The following DNAH11 variants were observed in gnomAD, a reference collection of about 807,000 sequenced individuals.
The protein encoded by DNAH11 is axonemal beta dynein heavy chain 11.
A neutral mutation model predicts 526.0 loss-of-function variants in DNAH11; 442 were observed. The observed-to-expected ratio is 0.84, with a 90% CI of 0.78 to 0.91. DNAH11 has a LOEUF of 0.91. DNAH11 is among the 40% of genes least tolerant of loss of function. The pLI, the probability that DNAH11 is intolerant of heterozygous loss-of-function variation, is 0.00. For missense variants in DNAH11, 6,989 were observed against 5,448.7 expected, an observed-to-expected ratio of 1.28 and a Z score of -8.90; for synonymous variants, 2,461 against 1,935.9, an observed-to-expected ratio of 1.27 and a Z score of -7.12.
intron 51 of DNAH11, 96 bp from the exon 52 acceptor site, chr7:21,748,484 A>G: frequency 7.1e-6 from 9 of 1,264,612 alleles, no homozygotes; most frequent in Non-Finnish European, 8.1e-6. Flanking sequence ...GCAAGTCTCC[A>G]TCTCAAAAGC....
chr7:21,626,148 A>G (rs1002728485), intron 25 of DNAH11, among the ~76,000 whole-genome samples: 4 of 152,182 alleles, frequency 2.6e-5, no homozygotes, highest in African/African-American at 9.7e-5. Context: ...TGATCTATCT[A>G]ACACTGGGTC....
At position 21,655,890 on chromosome 7, in the gene DNAH11, A is replaced by T; in HGVS notation, c.5003A>T (p.Asn1668Ile). ...DSIADLQFED[N>I]QDVSAHRAVG... ...ATTGCAGATCTGCAGTTTGAAGACA[A>T]TCAGGATGTTTCTGCACACAGGGCA... Residue 1668 changes from asparagine to isoleucine, a missense_variant, in exon 29 of 82, where the codon AAT (asparagine) becomes ATT (isoleucine). Physicochemically the swap from Asn to Ile is moderately radical, Grantham distance 149. Transcript: ENST00000409508. 1 of 1,613,422 alleles carries T rather than the reference A, an allele frequency of 6.2e-7. No individual in the cohort carries two copies. The highest frequency in any genetic ancestry group is 8.5e-7 in the Non-Finnish European group (1 of 1,179,588).
In DNAH11 at chr7:21,702,714, A is replaced by G. The variant is rs777405662; in HGVS notation, c.6185A>G (p.His2062Arg). The G allele has an allele frequency of 1.9e-5, 31 of 1,613,362 alleles. No individual in the cohort carries two copies. The highest frequency in any genetic ancestry group is 3.3e-5 in the South Asian group (3 of 91,002). ...ATAAACCTGTTTTGATTTTAGGATC[A>G]TTACGACTGGGGACTTCGTGCTATT... Reference protein sequence around the residue: ...LCKELLSKQDHYDWGLRAIKS... With the variant: ...LCKELLSKQDRYDWGLRAIKS... Residue 2062 changes from histidine (H) to arginine (R), a missense_variant, in exon 37 of 82, where the codon CAT (histidine) becomes CGT (arginine). Transcript: ENST00000409508.
chr7:21,624,324 T>C (rs1028311961), intron 25 of DNAH11, among the ~76,000 whole-genome samples: 2 of 152,198 alleles, frequency 1.3e-5, no homozygotes, highest in African/African-American at 4.8e-5. Flanking sequence ...TTTGATACTA[T>C]TGTGAATGGG....
chr7:21,646,100 A>G (rs567428897), intron 28 of DNAH11, among the ~76,000 whole-genome samples: 2 of 152,328 alleles, frequency 1.3e-5, no homozygotes, highest in South Asian at 2.1e-4. Flanking sequence ...ACAAAGGCAG[A>G]TTATCTAATA....
intron 42 of DNAH11, among the ~76,000 whole-genome samples, chr7:21,716,903 C>T (rs1166939945): frequency 6.6e-6 from 1 of 152,094 alleles, no homozygotes; most frequent in Non-Finnish European, 1.5e-5. Flanking sequence ...TGAAAGGAGC[C>T]GTTTGTCAGA....
intron 55 of DNAH11, 28 bp downstream of exon 55, chr7:21,765,617 C>CAA: frequency 1.6e-6 from 1 of 637,336 alleles, no homozygotes; most frequent in South Asian, 3.3e-5. Context: ...GCGTCACACA[C>CAA]ACACACACAC....
At chr7:21,592,939 G>T (rs1276235825) in intron 14 of DNAH11, among the ~76,000 whole-genome samples, 1 of 152,172 alleles carries the variant, frequency 6.6e-6, no homozygotes, top group Non-Finnish European at 1.5e-5. Context: ...TGTCCTAAGG[G>T]ACATTTTGAG....
At chr7:21,644,956 A>G (rs963371205) in intron 28 of DNAH11, among the ~76,000 whole-genome samples, 14 of 152,262 alleles carry the variant, frequency 9.2e-5, no homozygotes, top group African/African-American at 2.7e-4. Flanking sequence ...GGTTAACCAC[A>G]AACTGTACAA....
At chr7:21,623,866 A>T (rs901325030) in intron 25 of DNAH11, among the ~76,000 whole-genome samples, 2 of 151,890 alleles carry the variant, frequency 1.3e-5, no homozygotes, top group Non-Finnish European at 2.9e-5. Flanking sequence ...CCTAATGCTA[A>T]ATGACGAGTT....
In DNAH11 at chr7:21,868,891, C is replaced by G. The variant is rs369636720; in HGVS notation, c.11867C>G (p.Ser3956Cys). Residue 3956 changes from serine to cysteine, a missense_variant, in exon 73 of 82, where the codon TCT becomes TGT. By Grantham distance (112) the Ser-to-Cys change is moderately radical. Transcript: ENST00000409508. Reference sequence around the variant, plus strand: ...AAAAGACTTGGCTTTACAATTGACTCTGGAAAATTCCACAATGTGTCTTTA... The same window carrying G: ...AAAAGACTTGGCTTTACAATTGACTGTGGAAAATTCCACAATGTGTCTTTA... ...LGKRLGFTID[S>C]GKFHNVSLGQ... 53 of 1,613,888 alleles carry G rather than the reference C, an allele frequency of 3.3e-5. No homozygotes were observed. The highest frequency in any genetic ancestry group is 4.2e-5 in the Non-Finnish European group (50 of 1,179,886).
chr7:21,852,405 TAAAAAAAAA>T, intron 66 of DNAH11, 53 bp from the exon 67 acceptor site: 1 of 1,242,634 alleles, frequency 8.0e-7, no homozygotes, highest in Non-Finnish European at 1.1e-6. Context: ...AGACTTCCTC[TAAAAAAAAA>T]AAAAAAAAAG....
intron 49 of DNAH11, among the ~76,000 whole-genome samples, chr7:21,743,364 C>T (rs1786001131): frequency 1.3e-5 from 2 of 152,150 alleles, no homozygotes; most frequent in South Asian, 4.1e-4. Context: ...CCTTGCTTAC[C>T]TGGTAAAAGG....
intron 48 of DNAH11, among the ~76,000 whole-genome samples, chr7:21,741,478 A>G (rs1220493868): frequency 6.6e-6 from 1 of 152,240 alleles, no homozygotes; most frequent in Non-Finnish European, 1.5e-5. Context: ...TACCCCCAGC[A>G]TACATTCAGT....
intron 6 of DNAH11, among the ~76,000 whole-genome samples, chr7:21,567,237 T>A (rs1216929061): frequency 6.6e-6 from 1 of 152,196 alleles, no homozygotes; most frequent in Non-Finnish European, 1.5e-5. Flanking sequence ...GTAACATGTT[T>A]TTAAATTTGT....
At chr7:21,714,514 T>G (rs1021210767) in intron 42 of DNAH11, among the ~76,000 whole-genome samples, 4 of 152,218 alleles carry the variant, frequency 2.6e-5, no homozygotes, top group African/African-American at 9.6e-5. Context: ...AATGTCATTA[T>G]ATTAACAAAA....
intron 53 of DNAH11, among the ~76,000 whole-genome samples, chr7:21,750,014 C>T (rs770848808): frequency 1.3e-5 from 2 of 152,190 alleles, no homozygotes; most frequent in African/African-American, 2.4e-5. Flanking sequence ...TATTCTTACA[C>T]GTACGGGTGT....
At chr7:21,625,618 T>A (rs1050151959) in intron 25 of DNAH11, among the ~76,000 whole-genome samples, 2 of 151,562 alleles carry the variant, frequency 1.3e-5, no homozygotes, top group African/African-American at 4.9e-5. Flanking sequence ...GATTTTCTTG[T>A]TGTTGTAAAC....
At chr7:21,855,386 A>G (rs1487433142) in intron 68 of DNAH11, among the ~76,000 whole-genome samples, 1 of 152,232 alleles carries the variant, frequency 6.6e-6, no homozygotes, top group South Asian at 2.1e-4. Flanking sequence ...TTGTGAAAAT[A>G]TGTCTTGGAA....
Sources: gnomAD v4.1 joint callset for allele counts (sites outside exome capture counted in the v4.1 genomes callset) on GRCh38, gnomAD v4.1.1 for gene constraint, MANE v1.5 for transcripts, NCBI Gene and HGNC (gene_info 2026-07-23, HGNC 2026-07-21) for gene names.